Variants in GUCY1A2 observed in about 807,000 individuals in gnomAD.
GUCY1A2 encodes guanylate cyclase soluble subunit alpha-2.
Under a neutral mutation model 63.5 loss-of-function variants are expected in GUCY1A2, and 27 were observed. The observed-to-expected ratio is 0.43, with a 90% CI of 0.31 to 0.59. GUCY1A2 has a LOEUF of 0.59. Among genes scored for constraint, GUCY1A2 ranks in the 20% least tolerant of loss-of-function variants. The pLI, the probability that GUCY1A2 is intolerant of heterozygous loss-of-function variation, is 0.11. For missense variants in GUCY1A2, 768 were observed against 913.3 expected (o/e 0.84, Z 2.05); for synonymous variants, 364 against 343.5 (o/e 1.06, Z -0.66).
chr11:106,717,545 A>C (rs2135360129), intron 6 of GUCY1A2, among the ~76,000 whole-genome samples: 1 of 152,350 alleles, frequency 6.6e-6, no homozygotes, highest in South Asian at 2.1e-4. Context: ...TGCAAGAAAA[A>C]TGTCCAAATT....
At chr11:107,007,651 C>A (rs914109677) in intron 1 of GUCY1A2, among the ~76,000 whole-genome samples, 1 of 152,170 alleles carries the variant, frequency 6.6e-6, no homozygotes, top group Non-Finnish European at 1.5e-5. Context: ...TCTTCCTATT[C>A]CTAGGCAGTT....
intron 4 of GUCY1A2, among the ~76,000 whole-genome samples, chr11:106,859,506 T>G (rs1180022519): frequency 6.6e-6 from 1 of 152,046 alleles, no homozygotes; most frequent in Non-Finnish European, 1.5e-5. Flanking sequence ...CATAAAAGTT[T>G]ACTAAGCATC....
At chr11:106,825,157 A>G (rs1858951239) in intron 4 of GUCY1A2, among the ~76,000 whole-genome samples, 1 of 152,212 alleles carries the variant, frequency 6.6e-6, no homozygotes, top group East Asian at 1.9e-4. Context: ...ATTTTCCAGT[A>G]TAAAACAAGG....
intron 3 of GUCY1A2, among the ~76,000 whole-genome samples, 153 bp downstream of exon 3, chr11:106,978,466 T>C (rs1861291097): frequency 1.3e-5 from 2 of 152,294 alleles, no homozygotes; most frequent in African/African-American, 2.4e-5. Flanking sequence ...TCAAACATCT[T>C]CAGGAGAGTT....
chr11:107,007,194 A>C (rs1861682680), intron 1 of GUCY1A2, among the ~76,000 whole-genome samples: 1 of 152,236 alleles, frequency 6.6e-6, no homozygotes, highest in Non-Finnish European at 1.5e-5. Flanking sequence ...CTTTGAAAGC[A>C]TGATGTAAAT....
At chr11:106,876,422 T>C (rs563966757) in intron 4 of GUCY1A2, among the ~76,000 whole-genome samples, 74 of 152,212 alleles carry the variant, frequency 4.9e-4, no homozygotes, top group African/African-American at 1.7e-3. Flanking sequence ...TTCAAAAATA[T>C]AATTTTTGAG....
intron 4 of GUCY1A2, among the ~76,000 whole-genome samples, chr11:106,849,050 G>A (rs1297899762): frequency 6.6e-6 from 1 of 151,528 alleles, no homozygotes; most frequent in Non-Finnish European, 1.5e-5. Context: ...ATTGTATAGA[G>A]TATCTTTAAT....
At chr11:106,848,954 A>G (rs1859314916) in intron 4 of GUCY1A2, among the ~76,000 whole-genome samples, 1 of 151,650 alleles carries the variant, frequency 6.6e-6, no homozygotes, top group South Asian at 2.1e-4. Context: ...GAATTCCAGT[A>G]AGTCAAAGTC....
chr11:106,892,773 T>A (rs1439444637), intron 4 of GUCY1A2, among the ~76,000 whole-genome samples: 2 of 152,180 alleles, frequency 1.3e-5, no homozygotes, highest in Non-Finnish European at 2.9e-5. Flanking sequence ...GGTCTTGGCA[T>A]GAAAATTATC....
At chr11:107,005,819 C>T (rs552963384) in intron 1 of GUCY1A2, among the ~76,000 whole-genome samples, 5 of 152,202 alleles carry the variant, frequency 3.3e-5, no homozygotes, top group African/African-American at 1.2e-4. Flanking sequence ...TACAGTATAA[C>T]CCTGAAATGT....
chr11:106,748,392 C>A (rs534741956), intron 6 of GUCY1A2, among the ~76,000 whole-genome samples: 2 of 152,190 alleles, frequency 1.3e-5, no homozygotes, highest in African/African-American at 4.8e-5. Context: ...TGTACACATA[C>A]TTATACAGGC....
intron 4 of GUCY1A2, among the ~76,000 whole-genome samples, chr11:106,829,258 G>A (rs1859019336): frequency 6.6e-6 from 1 of 152,204 alleles, no homozygotes; most frequent in Non-Finnish European, 1.5e-5. Context: ...CTAAGATAAG[G>A]GAGGGTTGGG....
At chr11:106,817,964 C>A (rs1042429345) in intron 4 of GUCY1A2, among the ~76,000 whole-genome samples, 1 of 152,048 alleles carries the variant, frequency 6.6e-6, no homozygotes, top group Admixed American at 6.6e-5. Context: ...AATAGAATTA[C>A]TATATGATCC....
chr11:106,752,030 C>A (rs1297270458), intron 6 of GUCY1A2, among the ~76,000 whole-genome samples: 1 of 152,154 alleles, frequency 6.6e-6, no homozygotes, highest in Admixed American at 6.6e-5. Context: ...CAGGAATTTA[C>A]ACACACAATT....
At chr11:106,766,028 GA>G (rs1864156464) in intron 6 of GUCY1A2, among the ~76,000 whole-genome samples, 1 of 152,084 alleles carries the variant, frequency 6.6e-6, no homozygotes, top group East Asian at 1.9e-4. Flanking sequence ...CAGCCATTAG[GA>G]AAAAGCAAGA....
chr11:106,690,293 G>A (rs1862600414), intron 7 of GUCY1A2, among the ~76,000 whole-genome samples: 1 of 152,108 alleles, frequency 6.6e-6, no homozygotes, highest in African/African-American at 2.4e-5. Context: ...GTGGTAGACT[G>A]GATAAAGAAA....
intron 6 of GUCY1A2, among the ~76,000 whole-genome samples, chr11:106,733,690 G>A (rs1345496847): frequency 1.3e-5 from 2 of 148,220 alleles, no homozygotes; most frequent in African/African-American, 2.5e-5. Context: ...ACCGAGTGGT[G>A]GGGACAGGCC....
intron 4 of GUCY1A2, among the ~76,000 whole-genome samples, chr11:106,898,536 C>G (rs1591318825): frequency 6.6e-6 from 1 of 152,004 alleles, no homozygotes; most frequent in Non-Finnish European, 1.5e-5. Flanking sequence ...ATCAAGCTAT[C>G]AAGCCATGAA....
At position 106,824,888 on chromosome 11, in the gene GUCY1A2, T is replaced by G; in HGVS notation, c.1207-14410A>C. ...ATTCAGGCAACTTCCAGAAGAAGGC[T>G]GCAAACATGCTTCAGCAATCTGGTT... On this transcript the variant is annotated intron_variant, in intron 4 of 7. Coordinates refer to ENST00000526355, the MANE Select transcript of GUCY1A2 (RefSeq NM_000855.3). 14 of 1,612,936 alleles carry G rather than the reference T, an allele frequency of 8.7e-6. No homozygotes were observed. In the South Asian group the frequency reaches 1.5e-4, roughly 18 times the overall value.
Sources: allele counts gnomAD v4.1 joint callset (sites outside exome capture counted in the v4.1 genomes callset), GRCh38; gene constraint gnomAD v4.1.1; transcripts MANE v1.5; gene names NCBI Gene and HGNC (gene_info 2026-07-23, HGNC 2026-07-21).